PAN3: variants seen among roughly 807,000 people sequenced by gnomAD.
The protein encoded by PAN3 is PAN2-PAN3 deadenylation complex subunit PAN3.
In PAN3, 19 loss-of-function variants were observed where a neutral mutation model predicts 96.2. That is an observed-to-expected ratio of 0.20 (90% CI 0.14 to 0.29). The LOEUF is 0.29. Among genes scored for constraint, PAN3 ranks in the 10% least tolerant of loss-of-function variants. The probability of loss-of-function intolerance (pLI) is 1.00; values close to 1 mark genes in which losing one functional copy is unlikely to be tolerated. For synonymous variants in PAN3, 433 were observed against 406.6 expected, an observed-to-expected ratio of 1.06 and a Z score of -0.78; for missense variants, 882 against 1,108.1, an observed-to-expected ratio of 0.80 and a Z score of 2.90.
At chr13:28,219,901 G>C (rs749260698) in intron 5 of PAN3, among the ~76,000 whole-genome samples, 1 of 152,190 alleles carries the variant, frequency 6.6e-6, no homozygotes, top group Non-Finnish European at 1.5e-5. Context: ...CTTGAAATTT[G>C]TTGCTCAGTT....
chr13:28,139,623 A>C (rs558404755), intron 1 of PAN3, among the ~76,000 whole-genome samples: 2 of 151,148 alleles, frequency 1.3e-5, no homozygotes, highest in East Asian at 3.9e-4. Context: ...AGTTTGTAGA[A>C]GGCTTGCGGG....
intron 6 of PAN3, among the ~76,000 whole-genome samples, chr13:28,235,595 C>T (rs953534165): frequency 2.6e-5 from 4 of 151,956 alleles, no homozygotes; most frequent in African/African-American, 7.3e-5. Context: ...AGCTACTTCT[C>T]TGGTCATTAT....
intron 1 of PAN3, among the ~76,000 whole-genome samples, chr13:28,145,757 A>ATTTTT (rs895808998): frequency 1.6e-5 from 2 of 124,444 alleles, no homozygotes; most frequent in Non-Finnish European, 1.7e-5. Flanking sequence ...TGCCAAGCTA[A>ATTTTT]TTTTTTTTTT....
At chr13:28,157,844 A>G (rs1238783364) in intron 1 of PAN3, among the ~76,000 whole-genome samples, 1 of 152,254 alleles carries the variant, frequency 6.6e-6, no homozygotes, top group Non-Finnish European at 1.5e-5. Flanking sequence ...ACAGAATTAG[A>G]AAAGACTGTT....
chr13:28,155,321 C>A (rs574735707), intron 1 of PAN3, among the ~76,000 whole-genome samples: 10 of 152,020 alleles, frequency 6.6e-5, no homozygotes, highest in African/African-American at 2.2e-4. Flanking sequence ...TCAGGCCGGA[C>A]ACAGTGGCCT....
intron 1 of PAN3, among the ~76,000 whole-genome samples, chr13:28,155,875 A>G (rs1352795679): frequency 6.6e-6 from 1 of 152,174 alleles, no homozygotes; most frequent in Non-Finnish European, 1.5e-5. Flanking sequence ...AGATTTTGAG[A>G]GGAAGCTCTA....
intron 12 of PAN3, among the ~76,000 whole-genome samples, chr13:28,270,259 T>A (rs1474383485): frequency 6.6e-6 from 1 of 152,176 alleles, no homozygotes; most frequent in Non-Finnish European, 1.5e-5. Flanking sequence ...ACATTCAACA[T>A]AAGTGATGGT....
chr13:28,138,541 AC>A, upstream of PAN3: 1 of 232,014 alleles, frequency 4.3e-6, no homozygotes, highest in South Asian at 7.9e-5. Flanking sequence ...AGCGGGACAG[AC>A]CCACCCGCCC....
intron 9 of PAN3, among the ~76,000 whole-genome samples, chr13:28,266,260 G>A (rs1886168024): frequency 1.3e-5 from 2 of 152,252 alleles, no homozygotes; most frequent in African/African-American, 4.8e-5. Context: ...AATATCATGA[G>A]CATTCCGAAG....
At chr13:28,226,393 T>A (rs1228094442) in intron 6 of PAN3, among the ~76,000 whole-genome samples, 4 of 152,206 alleles carry the variant, frequency 2.6e-5, no homozygotes, top group African/African-American at 9.6e-5. Context: ...TCTGTCTAAA[T>A]TGAATTCTTC....
chr13:28,231,373 A>G (rs1420771400), intron 6 of PAN3, among the ~76,000 whole-genome samples: 1 of 152,198 alleles, frequency 6.6e-6, no homozygotes, highest in Non-Finnish European at 1.5e-5. Context: ...TCTATCAAAT[A>G]TTGAGGACTG....
At chr13:28,215,880 T>G (rs1381366108) in intron 5 of PAN3, 1 of 1,352,012 alleles carries the variant, frequency 7.4e-7, no homozygotes, top group African/African-American at 1.4e-5. Flanking sequence ...TGCCCAGAAA[T>G]CTCAGAAGGC....
chr13:28,194,466 A>ATTTTTTTTT (rs1284832933), intron 4 of PAN3, among the ~76,000 whole-genome samples: 1 of 122,132 alleles, frequency 8.2e-6, no homozygotes, highest in African/African-American at 3.6e-5. Flanking sequence ...ATATATATAT[A>ATTTTTTTTT]TTTTTTTTTT....
intron 4 of PAN3, among the ~76,000 whole-genome samples, chr13:28,186,775 G>A (rs1197840035): frequency 1.3e-5 from 2 of 151,956 alleles, no homozygotes; most frequent in Non-Finnish European, 2.9e-5. Flanking sequence ...GCAATGAGCT[G>A]TGATCGGGCC....
intron 2 of PAN3, 81 bp downstream of exon 2, chr13:28,174,474 C>T: frequency 6.9e-7 from 1 of 1,451,718 alleles, no homozygotes; most frequent in Non-Finnish European, 9.3e-7. Context: ...TTTATTCCTA[C>T]ATTTGTTGAG....
At chr13:28,287,306 CA>C (rs747918530) in intron 17 of PAN3, among the ~76,000 whole-genome samples, 1 of 152,076 alleles carries the variant, frequency 6.6e-6, no homozygotes, top group Non-Finnish European at 1.5e-5. Flanking sequence ...GGAATTGTAT[CA>C]CAGTTTGATC....
At position 28,293,940 on chromosome 13, in the gene PAN3, T is replaced by C. The variant is rs1199906458; in HGVS notation, c.*1418T>C. On this transcript the variant is annotated 3_prime_UTR_variant, in exon 19 of 19. Transcript: ENST00000380958. ...GGAAACTCAAAAGGTCAGGACAGAC[T>C]TCCAAGCACTTGCAACTGATGTTAC... is the stretch of plus-strand genomic sequence containing the variant. The C allele has an allele frequency of 6.6e-6, 1 of 152,660 alleles. No homozygotes were observed. The highest frequency in any genetic ancestry group is 1.5e-5 in the Non-Finnish European group (1 of 68,046). The allele number at this position is 152,660 out of a possible 1,614,324, so 9.5% of individuals were successfully genotyped here. A position where few individuals can be genotyped will look rare whatever the true frequency, so the allele number is the denominator to read the frequency against.
intron 1 of PAN3, among the ~76,000 whole-genome samples, chr13:28,165,880 A>G (rs1873475924): frequency 6.6e-6 from 1 of 151,878 alleles, no homozygotes; most frequent in Non-Finnish European, 1.5e-5. Context: ...AAGGGTGCTA[A>G]TTCCATTAGC....
At chr13:28,262,150 A>G (rs545305550) in intron 9 of PAN3, among the ~76,000 whole-genome samples, 3 of 152,072 alleles carry the variant, frequency 2.0e-5, no homozygotes, top group Non-Finnish European at 4.4e-5. Context: ...TTTCATTTCC[A>G]TTTTACATAT....
Sources: allele counts gnomAD v4.1 joint callset (sites outside exome capture counted in the v4.1 genomes callset), GRCh38; gene constraint gnomAD v4.1.1; transcripts MANE v1.5; gene names NCBI Gene and HGNC (gene_info 2026-07-23, HGNC 2026-07-21).